The following COL4A2 variants were observed in gnomAD, a reference collection of about 807,000 sequenced individuals.
The protein encoded by COL4A2 is collagen type IV alpha 2 chain.
A neutral mutation model predicts 200.2 loss-of-function variants in COL4A2; 99 were observed. The ratio of observed to expected loss-of-function variants is 0.49; its 90% CI spans 0.42 to 0.58. COL4A2 has a LOEUF of 0.58. Among genes scored for constraint, COL4A2 ranks in the 20% least tolerant of loss-of-function variants. The pLI is 0.00. For missense variants in COL4A2, 1,950 were observed against 2,314.1 expected, an observed-to-expected ratio of 0.84 and a Z score of 3.23; for synonymous variants, 897 against 900.6, an observed-to-expected ratio of 1.00 and a Z score of 0.07.
chr13:110,482,606 G>GATTTCTC lies in COL4A2; in HGVS notation c.2853_2854insCTCATTT (p.Phe952LeufsTer14). On this transcript the variant is annotated frameshift_variant, in exon 32 of 48. Coordinates refer to ENST00000360467, the MANE Select transcript of COL4A2 (RefSeq NM_001846.4). LOFTEE classifies it high-confidence loss of function. ...TTTCCAGGGAGCAAAGGCGAGGCTGGATTTTTCGGAATACCCGGTCTGAAG... is the reference window on the plus strand; with the variant it reads ...TTTCCAGGGAGCAAAGGCGAGGCTGGATTTCTCATTTTTCGGAATACCCGGTCTGAAG... The GATTTCTC allele has an allele frequency of 1.2e-6, 2 of 1,614,142 alleles. No individual in the cohort carries two copies. The highest frequency in any genetic ancestry group is 1.7e-6 in the Non-Finnish European group (2 of 1,180,038).
chr13:110,432,378 G>C lies in COL4A2; in HGVS notation c.684+18G>C, dbSNP rs764698582. The C allele has an allele frequency of 6.2e-6, 10 of 1,601,490 alleles. No individual in the cohort carries two copies. Among genetic ancestry groups the C allele is most frequent in the Non-Finnish European group, 8.5e-6 (10 of 1,174,168 alleles). ...GACAGCAAGTAAGTTGGTTTTGGGG[G>C]GTGAGGATGAGGGAAGGGGGTACTT... On this transcript the variant is annotated intron_variant, in intron 11 of 47. Coordinates refer to ENST00000360467, the MANE Select transcript of COL4A2 (RefSeq NM_001846.4).
At chr13:110,484,164 C>G (rs763812814) in intron 32 of COL4A2, among the ~76,000 whole-genome samples, 4 of 151,956 alleles carry the variant, frequency 2.6e-5, no homozygotes, top group African/African-American at 7.3e-5. Context: ...CTCGAGCCTC[C>G]TTAGGGTGAA....
chr13:110,462,815 G>A (rs928560232), intron 24 of COL4A2, among the ~76,000 whole-genome samples: 2 of 152,150 alleles, frequency 1.3e-5, no homozygotes, highest in Non-Finnish European at 2.9e-5. Context: ...TTCCTCAGGG[G>A]AGGCTGGGGT....
intron 4 of COL4A2, among the ~76,000 whole-genome samples, chr13:110,379,044 C>T (rs957377795): frequency 3.9e-5 from 6 of 152,230 alleles, no homozygotes; most frequent in African/African-American, 1.4e-4. Flanking sequence ...CAGCACCTGC[C>T]TAGTTCCGCA....
chr13:110,426,971 A>G (rs954750586), intron 6 of COL4A2, among the ~76,000 whole-genome samples: 1 of 152,216 alleles, frequency 6.6e-6, no homozygotes, highest in Admixed American at 6.5e-5. Flanking sequence ...CTCACCAGAG[A>G]GTTTGACTGA....
At chr13:110,466,334 A>G (rs2139504615) in intron 26 of COL4A2, among the ~76,000 whole-genome samples, 1 of 152,288 alleles carries the variant, frequency 6.6e-6, no homozygotes, top group South Asian at 2.1e-4. Context: ...CTCCACAGGC[A>G]CGTGTGCTGC....
chr13:110,307,892 C>T lies in COL4A2; in HGVS notation c.-12C>T. On this transcript the variant is annotated 5_prime_UTR_variant, in exon 2 of 48. The change creates a new upstream start codon in the 5' untranslated region. Coordinates refer to ENST00000360467, the MANE Select transcript of COL4A2 (RefSeq NM_001846.4). The surrounding 1 kb of genome is among the most constrained non-coding windows in gnomAD (Gnocchi z 5.0). ...GGGACTGACCGGGGCCCAGAGTGGA[C>T]GAACCGCCAGCATGGGGAGAGACCA... 6.2e-7 allele frequency: 1 copy of T among 1,611,194 alleles called. No individual in the cohort carries two copies. Among genetic ancestry groups the T allele is most frequent in the Non-Finnish European group, 8.5e-7 (1 of 1,178,674 alleles).
chr13:110,435,144 C>T (rs1880824304), intron 12 of COL4A2, among the ~76,000 whole-genome samples: 1 of 152,160 alleles, frequency 6.6e-6, no homozygotes, highest in Non-Finnish European at 1.5e-5. Flanking sequence ...TCAAGTCCTG[C>T]TCATGTGTGA....
At chr13:110,474,879 T>C (rs1882640129) in intron 29 of COL4A2, among the ~76,000 whole-genome samples, 1 of 106,912 alleles carries the variant, frequency 9.4e-6, no homozygotes, top group African/African-American at 3.6e-5. Context: ...TACACACACG[T>C]ACCCACACAC....
intron 3 of COL4A2, among the ~76,000 whole-genome samples, chr13:110,353,968 G>T (rs1877076822): frequency 6.6e-6 from 1 of 152,184 alleles, no homozygotes; most frequent in Non-Finnish European, 1.5e-5. Flanking sequence ...CCAAAAGTAA[G>T]AATGCATCAT....
chr13:110,377,747 T>G (rs371739786), intron 4 of COL4A2, among the ~76,000 whole-genome samples: 1 of 152,212 alleles, frequency 6.6e-6, no homozygotes, highest in East Asian at 1.9e-4. Context: ...AAAATAGAGA[T>G]AATAGAAAAA....
chr13:110,332,641 C>T (rs1278930191), intron 3 of COL4A2, among the ~76,000 whole-genome samples: 5 of 152,094 alleles, frequency 3.3e-5, no homozygotes, highest in Admixed American at 2.0e-4. Context: ...GTTGGGCCCA[C>T]GGAAATATGA....
chr13:110,309,569 T>G (rs1307647758), intron 3 of COL4A2, among the ~76,000 whole-genome samples: 2 of 152,238 alleles, frequency 1.3e-5, no homozygotes, highest in Admixed American at 1.3e-4. Context: ...TGCACCCCTT[T>G]GTCCCTTAGA....
At chr13:110,425,766 A>G (rs1880448865) in intron 6 of COL4A2, among the ~76,000 whole-genome samples, 2 of 152,236 alleles carry the variant, frequency 1.3e-5, no homozygotes, top group Non-Finnish European at 2.9e-5. Flanking sequence ...GCACACGCAC[A>G]GGGAGAGAGA....
chr13:110,312,890 G>C (rs911152582), intron 3 of COL4A2, among the ~76,000 whole-genome samples: 2 of 152,216 alleles, frequency 1.3e-5, no homozygotes, highest in African/African-American at 4.8e-5. Context: ...AGAGAATGTT[G>C]TGTGGAATGG....
intron 29 of COL4A2, among the ~76,000 whole-genome samples, chr13:110,477,044 C>CCCT (rs1221332185): frequency 6.6e-6 from 1 of 152,054 alleles, no homozygotes; most frequent in Admixed American, 6.6e-5. Flanking sequence ...ATAAAACTCC[C>CCCT]CAGAGGAAAA....
chr13:110,482,373 A>G (rs994263721), intron 31 of COL4A2, 143 bp from the exon 32 acceptor site: 15 of 847,588 alleles, frequency 1.8e-5, no homozygotes, highest in Admixed American at 1.3e-4. Flanking sequence ...TGCTTAGAAG[A>G]TGGTGTCCCC....
chr13:110,436,355 A>T lies in COL4A2; in HGVS notation c.813A>T (p.Pro271=). Reference sequence around the variant, plus strand: ...CGCCCACAGGAGTCACCTTCCACCCAGATCAGTACAAGGTAAAGAGCAAAA... The same window carrying T: ...CGCCCACAGGAGTCACCTTCCACCCTGATCAGTACAAGGTAAAGAGCAAAA... ...IIAPTGVTFH[P]DQYKGEKGSE... Residue 271 remains proline, a synonymous_variant, in exon 13 of 48, where the codon CCA becomes CCT. Coordinates refer to ENST00000360467, the MANE Select transcript of COL4A2 (RefSeq NM_001846.4). The T allele has an allele frequency of 6.2e-7, 1 of 1,614,030 alleles. No homozygotes were observed. Among genetic ancestry groups the T allele is most frequent in the Non-Finnish European group, 8.5e-7 (1 of 1,180,006 alleles).
intron 4 of COL4A2, among the ~76,000 whole-genome samples, chr13:110,390,277 A>T (rs1326987627): frequency 6.6e-6 from 1 of 152,234 alleles, no homozygotes; most frequent in African/African-American, 2.4e-5. Context: ...CCATCACAGG[A>T]GGACCAGGGC....
Sources: allele counts gnomAD v4.1 joint callset (sites outside exome capture counted in the v4.1 genomes callset), GRCh38; gene constraint gnomAD v4.1.1; non-coding constraint Gnocchi (gnomAD v3.1); transcripts MANE v1.5; gene names NCBI Gene and HGNC (gene_info 2026-07-23, HGNC 2026-07-21).